Variants in ACOXL observed in about 807,000 individuals in gnomAD.
ACOXL encodes acyl-coenzyme A oxidase-like protein.
ACOXL carries 70 observed loss-of-function variants against 71.9 expected under a neutral mutation model. That is an observed-to-expected ratio of 0.97 (90% CI 0.80 to 1.19). The LOEUF is 1.19. ACOXL is among the 50% of genes most tolerant of loss of function. The pLI is 0.00. For missense variants in ACOXL, 703 were observed against 736.3 expected (o/e 0.95, Z 0.52); for synonymous variants, 253 against 281.6 (o/e 0.90, Z 1.02).
rs1322425946 is a variant in ACOXL at position 111,089,111 on chromosome 2, C to T, written c.1441-3754C>T. On this transcript the variant is annotated intron_variant, in intron 16 of 17. Coordinates refer to ENST00000439055, the MANE Select transcript of ACOXL (RefSeq NM_001142807.4). ...GTCAAGAGATCGAGACCATCCTGGCCAACATGGTGAAACCCCGTCTCTACT... is the reference window on the plus strand; with the variant it reads ...GTCAAGAGATCGAGACCATCCTGGCTAACATGGTGAAACCCCGTCTCTACT... Among the ~76,000 whole-genome samples the T allele has an allele frequency of 2.0e-5, 3 of 152,042 alleles. No individual in the cohort carries two copies. In the East Asian group the frequency reaches 5.8e-4, roughly 29 times the overall value.
chr2:110,898,607 C>T (rs1174946895), intron 10 of ACOXL, among the ~76,000 whole-genome samples: 1 of 152,146 alleles, frequency 6.6e-6, no homozygotes, highest in Non-Finnish European at 1.5e-5. Context: ...ATAAAGAGCA[C>T]CTACGAAAAT....
chr2:110,785,239 A>C (rs747858269), intron 3 of ACOXL, among the ~76,000 whole-genome samples: 3 of 152,198 alleles, frequency 2.0e-5, no homozygotes, highest in Non-Finnish European at 4.4e-5. Flanking sequence ...ACATAGGGTC[A>C]TGAGAACCCT....
In ACOXL at chr2:110,832,370, C is replaced by G. The variant is rs58763522; in HGVS notation, c.754-9001C>G. Among the ~76,000 whole-genome samples the G allele has an allele frequency of 8.8e-4, 134 of 151,962 alleles. 1 individual carries two copies. The South Asian group carries it at 0.014, about 15-fold the overall frequency. ...TGGCTAACAAGGTGAAACCCCGTCT[C>G]TACTAAAAATACAAAAAATTAGCCG... On this transcript the variant is annotated intron_variant, in intron 9 of 17. Transcript: ENST00000439055.
chr2:111,002,258 A>AT (rs5833382), intron 14 of ACOXL, among the ~76,000 whole-genome samples: 1 of 151,878 alleles, frequency 6.6e-6, no homozygotes, highest in Non-Finnish European at 1.5e-5. Context: ...TGAGATGATA[A>AT]TTTTTTTTAT....
chr2:110,906,060 G>C (rs577001401), intron 10 of ACOXL, among the ~76,000 whole-genome samples: 1 of 152,100 alleles, frequency 6.6e-6, no homozygotes, highest in Non-Finnish European at 1.5e-5. Flanking sequence ...ACAACAGGTC[G>C]GGGTCAGATC....
intron 9 of ACOXL, among the ~76,000 whole-genome samples, chr2:110,818,773 G>T (rs1688264982): frequency 1.3e-5 from 2 of 152,018 alleles, no homozygotes; most frequent in Non-Finnish European, 2.9e-5. Flanking sequence ...TTCCCTTGAG[G>T]GGTTTTCAGT....
At chr2:110,794,210 G>A (rs1685015092) in intron 5 of ACOXL, 36 bp downstream of exon 5, 3 of 1,581,654 alleles carry the variant, frequency 1.9e-6, no homozygotes. Flanking sequence ...GTGCAGGGGA[G>A]CTGGAAACCT....
intron 12 of ACOXL, chr2:110,963,842 T>A (rs551644625): frequency 7.6e-7 from 1 of 1,316,300 alleles, no homozygotes; most frequent in South Asian, 1.5e-5. Context: ...TGATATTTGT[T>A]GTAGCTGAAC....
intron 1 of ACOXL, among the ~76,000 whole-genome samples, chr2:110,742,392 T>C (rs1342014348): frequency 6.6e-6 from 1 of 152,218 alleles, no homozygotes; most frequent in Non-Finnish European, 1.5e-5. Context: ...TTGTTGACTA[T>C]GTGTAAGGAA....
chr2:110,951,658 G>T (rs571311769), intron 12 of ACOXL, among the ~76,000 whole-genome samples: 1 of 152,170 alleles, frequency 6.6e-6, no homozygotes, highest in East Asian at 1.9e-4. Context: ...TTGTGCATGT[G>T]TGCATTTATT....
chr2:110,842,030 G>C (rs1691236210), intron 10 of ACOXL, among the ~76,000 whole-genome samples: 1 of 152,132 alleles, frequency 6.6e-6, no homozygotes, highest in Admixed American at 6.5e-5. Context: ...TACAAAAACT[G>C]TGCTCACAGC....
chr2:110,759,349 T>G (rs538033392), intron 1 of ACOXL, among the ~76,000 whole-genome samples: 1 of 152,334 alleles, frequency 6.6e-6, no homozygotes, highest in South Asian at 2.1e-4. Flanking sequence ...GCTTTATGAA[T>G]CTGGGTGCTC....
At chr2:110,794,009 C>G (rs79916442) in intron 4 of ACOXL, 67 bp from the exon 5 acceptor site, 1 of 1,498,360 alleles carries the variant, frequency 6.7e-7, no homozygotes, top group Non-Finnish European at 9.3e-7. Flanking sequence ...CTTAATGGTC[C>G]GAGGGGTCTG....
chr2:110,793,212 G>A (rs1393349921), intron 3 of ACOXL, among the ~76,000 whole-genome samples: 1 of 152,176 alleles, frequency 6.6e-6, no homozygotes, highest in Non-Finnish European at 1.5e-5. Context: ...CTTTTGCAGC[G>A]TTGCCTCTTC....
chr2:110,992,637 G>T (rs896131303), intron 13 of ACOXL, among the ~76,000 whole-genome samples: 1 of 152,206 alleles, frequency 6.6e-6, no homozygotes, highest in Non-Finnish European at 1.5e-5. Context: ...CATGGGACGA[G>T]GTAAGGCAGA....
intron 11 of ACOXL, among the ~76,000 whole-genome samples, chr2:110,931,999 A>G (rs1179571990): frequency 6.6e-6 from 1 of 152,264 alleles, no homozygotes; most frequent in Non-Finnish European, 1.5e-5. Flanking sequence ...TTTATTTGCA[A>G]TAGTCCCAAA....
At chr2:111,076,206 A>G (rs1007459506) in intron 16 of ACOXL, among the ~76,000 whole-genome samples, 7 of 152,190 alleles carry the variant, frequency 4.6e-5, no homozygotes, top group African/African-American at 7.2e-5. Flanking sequence ...GACATATTCA[A>G]CTATGCCTGT....
chr2:110,765,783 C>G (rs568583798), intron 1 of ACOXL, among the ~76,000 whole-genome samples: 1 of 152,294 alleles, frequency 6.6e-6, no homozygotes, highest in East Asian at 1.9e-4. Context: ...ACTTAATCAT[C>G]TCCCAGAGCC....
intron 14 of ACOXL, among the ~76,000 whole-genome samples, chr2:111,020,974 A>G (rs1377922594): frequency 6.6e-6 from 1 of 152,204 alleles, no homozygotes; most frequent in Non-Finnish European, 1.5e-5. Context: ...AGCATTATCA[A>G]TGCCATCGAT....
Sources: gnomAD v4.1 joint callset for allele counts (sites outside exome capture counted in the v4.1 genomes callset) on GRCh38, gnomAD v4.1.1 for gene constraint, MANE v1.5 for transcripts, NCBI Gene and HGNC (gene_info 2026-07-23, HGNC 2026-07-21) for gene names.